Variants in STRA6 observed in about 807,000 individuals in gnomAD.
STRA6 encodes the protein receptor for retinol uptake STRA6.
Under a neutral mutation model 83.6 loss-of-function variants are expected in STRA6, and 48 were observed. The ratio of observed to expected loss-of-function variants is 0.57; its 90% CI spans 0.46 to 0.73. STRA6 has a LOEUF of 0.73. STRA6 is among the 30% of genes least tolerant of loss of function. The pLI is 0.00. For synonymous variants in STRA6, 353 were observed against 362.3 expected, an observed-to-expected ratio of 0.97 and a Z score of 0.29; for missense variants, 760 against 838.8, an observed-to-expected ratio of 0.91 and a Z score of 1.16.
chr15:74,203,399 T>C (rs994965333), upstream of STRA6, among the ~76,000 whole-genome samples: 5 of 152,014 alleles, frequency 3.3e-5, no homozygotes, highest in African/African-American at 2.4e-5. Context: ...CTCCGCATTC[T>C]CCCTCCCCAG....
chr15:74,204,599 G>C (rs2074215656), upstream of STRA6, among the ~76,000 whole-genome samples: 2 of 152,200 alleles, frequency 1.3e-5, no homozygotes. Flanking sequence ...CCCTCTACAA[G>C]GCAGCAGTGT....
upstream of STRA6, among the ~76,000 whole-genome samples, chr15:74,203,545 A>C (rs2074176904): frequency 6.6e-6 from 1 of 152,240 alleles, no homozygotes; most frequent in South Asian, 2.1e-4. Flanking sequence ...ATACCCTACA[A>C]GGGGCTTCGG....
At chr15:74,199,917 G>A (rs185746913) in intron 2 of STRA6, among the ~76,000 whole-genome samples, 16 of 152,286 alleles carry the variant, frequency 1.1e-4, no homozygotes, top group Admixed American at 8.5e-4. Context: ...TCTGATTGGA[G>A]TTTAAAAAAT....
At chr15:74,195,501 T>C in intron 6 of STRA6, 33 bp from the exon 7 acceptor site, 1 of 1,609,670 alleles carries the variant, frequency 6.2e-7, no homozygotes, top group Non-Finnish European at 8.5e-7. Flanking sequence ...AGACCCATGC[T>C]GGAGGGGCAG....
In STRA6 at chr15:74,190,840, C is replaced by T; in HGVS notation, c.927G>A (p.Gln309=). Residue 309 remains glutamine (Q), a splice_region_variant and synonymous_variant, in exon 11 of 19, where the codon CAG becomes CAA. Transcript: ENST00000395105. Reference sequence around the variant, plus strand: ...TGGCAGTACAGGGTGAGGGACATACCTGGTAAATGGCCGTCCCTGTCAGTG... The same window carrying T: ...TGGCAGTACAGGGTGAGGGACATACTTGGTAAATGGCCGTCCCTGTCAGTG... ...SATLTGTAIY[Q]VALLLLVGVV... 1.2e-6 allele frequency: 2 copies of T among 1,614,076 alleles called. No individual in the cohort carries two copies. The highest frequency in any genetic ancestry group is 1.7e-6 in the Non-Finnish European group (2 of 1,180,010).
chr15:74,185,145 G>T, intron 12 of STRA6, 90 bp from the exon 13 acceptor site: 1 of 1,319,386 alleles, frequency 7.6e-7, no homozygotes. Flanking sequence ...GTGCCTTGTG[G>T]GGAGTTCCCC....
chr15:74,193,241 C>G (rs577487988), intron 8 of STRA6, among the ~76,000 whole-genome samples: 27 of 152,336 alleles, frequency 1.8e-4, no homozygotes, highest in Admixed American at 3.3e-4. Flanking sequence ...ATCTCTTCCC[C>G]TTTACTCATG....
chr15:74,208,012 T>G, intron 1 of STRA6: 2 of 1,385,006 alleles, frequency 1.4e-6, no homozygotes, highest in South Asian at 3.2e-5. Context: ...GTGCCCTTCC[T>G]GCAATTCTCA....
chr15:74,210,413 A>G (rs1410828286), upstream of STRA6, among the ~76,000 whole-genome samples: 1 of 152,234 alleles, frequency 6.6e-6, no homozygotes, highest in African/African-American at 2.4e-5. Context: ...AGTAACAGTA[A>G]CCAAGAAAGC....
intron 3 of STRA6, 77 bp from the exon 4 acceptor site, chr15:74,197,500 G>A: frequency 3.1e-6 from 4 of 1,299,892 alleles, no homozygotes; most frequent in Non-Finnish European, 4.3e-6. Flanking sequence ...CTTGGACTCA[G>A]GCCCCAGGAT....
intron 5 of STRA6, 59 bp from the exon 6 acceptor site, chr15:74,195,734 T>C (rs751317101): frequency 1.1e-5 from 11 of 979,064 alleles, no homozygotes; most frequent in African/African-American, 1.6e-5. Flanking sequence ...GGTGGATATA[T>C]AATGCTTAGC....
chr15:74,197,512 T>G, intron 3 of STRA6, 89 bp from the exon 4 acceptor site: 1 of 1,199,770 alleles, frequency 8.3e-7, no homozygotes, highest in Non-Finnish European at 1.2e-6. Context: ...CCCCAGGATA[T>G]CCCCTACCTG....
In STRA6 at chr15:74,180,170, G is replaced by A. The variant is rs991162266; in HGVS notation, c.1914C>T (p.Arg638=). 1 of 1,614,012 alleles carries A rather than the reference G, an allele frequency of 6.2e-7. No individual in the cohort carries two copies. Residue 638 remains arginine (R), a synonymous_variant, in exon 19 of 19, where the codon CGC becomes CGT. Coordinates refer to ENST00000395105, the MANE Select transcript of STRA6 (RefSeq NM_022369.4). ...ARPGASRGRA[R]WGLAYTLLHN... is the part of the protein sequence containing the mutation. ...GCAGCAGCGTGTAGGCCAGACCCCA[G>A]CGAGCCCTGCCGCGGCTGGCCCCGG...
In STRA6 at chr15:74,179,921, C is replaced by T. The variant is rs1200336100; in HGVS notation, c.*159G>A. 3.1e-6 allele frequency: 3 copies of T among 962,564 alleles called. No homozygotes were observed. The highest frequency in any genetic ancestry group is 3.2e-5 in the African/African-American group (2 of 61,646). The allele number at this position is 962,564 out of a possible 1,614,324, so 59.6% of individuals were successfully genotyped here. ...TGGGTGGAGCAGAGCCCTCCTGAGG[C>T]TCCCAGTGCAGACAGACCTCCACCC... On this transcript the variant is annotated 3_prime_UTR_variant, in exon 19 of 19. Coordinates refer to ENST00000395105, the MANE Select transcript of STRA6 (RefSeq NM_022369.4).
intron 14 of STRA6, chr15:74,183,635 G>A: frequency 7.0e-7 from 1 of 1,429,658 alleles, no homozygotes; most frequent in South Asian, 1.4e-5. Context: ...TCCATGTGGA[G>A]GGTACACACT....
At chr15:74,194,419 T>C (rs2073711162) in intron 7 of STRA6, 2 of 1,048,746 alleles carry the variant, frequency 1.9e-6, no homozygotes, top group Non-Finnish European at 2.3e-6. Flanking sequence ...ATTGAGAGCT[T>C]AGTATGTGCC....
intron 3 of STRA6, 103 bp downstream of exon 3, chr15:74,197,649 G>A (rs2073880580): frequency 6.8e-7 from 1 of 1,470,410 alleles, no homozygotes; most frequent in Admixed American, 1.9e-5. Context: ...CCCCACCCAG[G>A]ATCTTCCAGG....
At chr15:74,194,897 C>T (rs899739154) in intron 7 of STRA6, 6 of 1,396,780 alleles carry the variant, frequency 4.3e-6, no homozygotes, top group Non-Finnish European at 4.6e-6. Context: ...ATTCTCCTCT[C>T]AGCCCTCTTA....
rs1595865418 is a variant in STRA6 at position 74,202,520 on chromosome 15, C to T, written c.-16+193G>A. 13 of 1,524,106 alleles carry T rather than the reference C, an allele frequency of 8.5e-6. No homozygotes were observed. The East Asian group carries it at 3.2e-4, about 37-fold the overall frequency. 94.4% of individuals were successfully genotyped at this position (1,524,106 alleles called of 1,614,324 possible). ...TGTCCCCTCCTCCCTTCCCGCCCAT[C>T]GCACTGGTCCTGCAGAGATAGCTGT... On this transcript the variant is annotated intron_variant, in intron 1 of 18. Coordinates refer to ENST00000395105, the MANE Select transcript of STRA6 (RefSeq NM_022369.4).
Sources: gnomAD v4.1 joint callset for allele counts (sites outside exome capture counted in the v4.1 genomes callset) on GRCh38, gnomAD v4.1.1 for gene constraint, MANE v1.5 for transcripts, NCBI Gene and HGNC (gene_info 2026-07-23, HGNC 2026-07-21) for gene names.